CHD4: variants seen among roughly 807,000 people sequenced by gnomAD.
CHD4 encodes chromodomain helicase DNA binding protein 4, also known as ATP-dependent chromatin remodeler CHD4.
A neutral mutation model predicts 235.5 loss-of-function variants in CHD4; 35 were observed. The observed-to-expected ratio is 0.15, with a 90% CI of 0.11 to 0.20. The LOEUF is 0.20. CHD4 is among the 10% of genes least tolerant of loss of function. CHD4 has a pLI of 1.00. For synonymous variants in CHD4, 900 were observed against 850.2 expected (o/e 1.06, Z -1.02); for missense variants, 1,329 against 2,432.3 (o/e 0.55, Z 9.54).
At position 6,591,587 on chromosome 12, in the gene CHD4, CA is replaced by C. The variant is rs1948401664; in HGVS notation, c.3223-5del. Reference sequence around the variant, plus strand: ...GCAGGTCTAGCATCTTGGTCATCTGCAAAAGAAGCACGGTTTAATTATGGAA... The same window carrying C: ...GCAGGTCTAGCATCTTGGTCATCTGCAAAGAAGCACGGTTTAATTATGGAA... On this transcript the variant is annotated splice_polypyrimidine_tract_variant and splice_region_variant and intron_variant, in intron 21 of 39. Coordinates refer to ENST00000544040, the MANE Select transcript of CHD4 (RefSeq NM_001273.5). 1 of 1,613,910 alleles carries C rather than the reference CA, an allele frequency of 6.2e-7. No homozygotes were observed. The highest frequency in any genetic ancestry group is 1.3e-5 in the African/African-American group (1 of 74,926).
chr12:6,600,406 A>G lies in CHD4; in HGVS notation c.1064-11T>C, dbSNP rs1270402090. 1 of 1,613,542 alleles carries G rather than the reference A, an allele frequency of 6.2e-7. No homozygotes were observed. The highest frequency in any genetic ancestry group is 8.5e-7 in the Non-Finnish European group (1 of 1,179,704). ...TCACCTCCTCCTCGCCTGGGCAAGG[A>G]AGAGGGAAAGCCCAGTTATTGGAAA... On this transcript the variant is annotated splice_polypyrimidine_tract_variant and intron_variant, in intron 8 of 39. Transcript: ENST00000544040.
rs768321394 is a variant in CHD4, at chr12:6,592,628, C to T, written c.2775-62G>A. ...GAGAAAGGAAGAAAGAAAAGTGATA[C>T]AGGAAATGGGCAACAGGAAGAATGA... On this transcript the variant is annotated intron_variant, in intron 18 of 39. Coordinates refer to ENST00000544040, the MANE Select transcript of CHD4 (RefSeq NM_001273.5). 1.4e-4 allele frequency: 225 copies of T among 1,582,564 alleles called. 1 individual carries two copies. The highest frequency in any genetic ancestry group is 1.8e-4 in the Non-Finnish European group (213 of 1,159,840).
At chr12:6,590,817 C>G (rs1239121193) in intron 22 of CHD4, among the ~76,000 whole-genome samples, 2 of 152,062 alleles carry the variant, frequency 1.3e-5, no homozygotes, top group Admixed American at 1.3e-4. Flanking sequence ...GAGTGAGACC[C>G]TATCTCGAAT....
intron 14 of CHD4, among the ~76,000 whole-genome samples, 160 bp from the exon 15 acceptor site, chr12:6,594,810 T>C (rs1212525509): frequency 6.6e-6 from 1 of 152,180 alleles, no homozygotes; most frequent in Non-Finnish European, 1.5e-5. Context: ...CAATTTCATG[T>C]TCAGTTTAGG....
chr12:6,570,810 T>A, intron 39 of CHD4, 59 bp downstream of exon 39: 1 of 1,612,130 alleles, frequency 6.2e-7, no homozygotes, highest in Non-Finnish European at 8.5e-7. Context: ...TACAGCAAAG[T>A]TACAAGCTCC....
At chr12:6,576,461 C>A (rs962724401) in intron 37 of CHD4, among the ~76,000 whole-genome samples, 1 of 152,160 alleles carries the variant, frequency 6.6e-6, no homozygotes, top group African/African-American at 2.4e-5. Flanking sequence ...ACTACAGGTG[C>A]ACGCCACCAG....
At position 6,570,578 on chromosome 12, in the gene CHD4, G is replaced by T; in HGVS notation, c.*98C>A. The T allele has an allele frequency of 7.6e-6, 11 of 1,446,220 alleles. No individual in the cohort carries two copies. The highest frequency in any genetic ancestry group is 1.1e-5 in the Non-Finnish European group (11 of 1,031,510). 89.6% of individuals were successfully genotyped at this position (1,446,220 alleles called of 1,614,324 possible). A position where few individuals can be genotyped will look rare whatever the true frequency, so the allele number is the denominator to read the frequency against. ...TTACAACATGGAAGATGGGCAGAAG[G>T]AAGGTGAGGGTCTCTCAGGCCCCCA... On this transcript the variant is annotated 3_prime_UTR_variant, in exon 40 of 40. Transcript: ENST00000544040.
At chr12:6,590,637 G>A (rs1448667675) in intron 22 of CHD4, among the ~76,000 whole-genome samples, 1 of 152,054 alleles carries the variant, frequency 6.6e-6, no homozygotes, top group African/African-American at 2.4e-5. Context: ...TGGGCAACAT[G>A]GCAAGACCCC....
Position 6,591,913 on chromosome 12 carries a change from T to A in CHD4, c.3090+3A>T. On this transcript the variant is annotated splice_donor_region_variant and intron_variant, in intron 20 of 39. Coordinates refer to ENST00000544040, the MANE Select transcript of CHD4 (RefSeq NM_001273.5). Reference sequence around the variant, plus strand: ...GGGAGGAACAGGAGATGGCACTACATACCATTGCAGCCACAGGGAAGAGGT... The same window carrying A: ...GGGAGGAACAGGAGATGGCACTACAAACCATTGCAGCCACAGGGAAGAGGT... The A allele has an allele frequency of 6.2e-7, 1 of 1,614,216 alleles. No individual in the cohort carries two copies. The highest frequency in any genetic ancestry group is 8.5e-7 in the Non-Finnish European group (1 of 1,180,030).
chr12:6,589,400 A>C (rs1948353539), intron 22 of CHD4, among the ~76,000 whole-genome samples: 1 of 152,200 alleles, frequency 6.6e-6, no homozygotes, highest in Admixed American at 6.5e-5. Context: ...GCACCACCTT[A>C]ACCAGTGATC....
rs111980032 is a variant in CHD4 at position 6,576,408 on chromosome 12, A to G, written c.5361+1377T>C. ...CACTCCAATGCCTAGGCTGGAGTGC[A>G]ATGGCACAATCTAGGCTCATTGCAG... is the stretch of plus-strand genomic sequence containing the variant. On this transcript the variant is annotated intron_variant, in intron 37 of 39. Coordinates refer to ENST00000544040, the MANE Select transcript of CHD4 (RefSeq NM_001273.5). 4.5e-3 allele frequency among the ~76,000 whole-genome samples: 683 copies of G among 152,248 alleles called. 8 individuals are homozygous for G. Among genetic ancestry groups the G allele is most frequent in the African/African-American group, 0.016 (655 of 41,562 alleles).
At chr12:6,573,352 AT>A (rs1229009721) in intron 37 of CHD4, 83 bp from the exon 38 acceptor site, 1 of 1,128,682 alleles carries the variant, frequency 8.9e-7, no homozygotes, top group Non-Finnish European at 1.2e-6. Context: ...CTCACCTCTC[AT>A]TGTTTCAGAT....
In CHD4 at chr12:6,594,534, G is replaced by A. The variant is rs141301378; in HGVS notation, c.2238C>T (p.Asp746=). The A allele has an allele frequency of 8.9e-4, 1,436 of 1,614,192 alleles. 13 individuals carry two copies. The highest frequency in any genetic ancestry group is 5.7e-3 in the South Asian group (516 of 91,084). ...GGCCCATCTCATCAGCCAAGATGGT[G>A]TCAGTGCCCTGAGCCCAGGAGAAGC... ...WLRFSWAQGT[D]TILADEMGLG... is the part of the protein sequence containing the mutation. Residue 746 remains aspartate (D), a synonymous_variant, in exon 15 of 40, where the codon GAC becomes GAT. Coordinates refer to ENST00000544040, the MANE Select transcript of CHD4 (RefSeq NM_001273.5).
chr12:6,578,814 C>A (rs764984608), intron 34 of CHD4, 32 bp downstream of exon 34: 18 of 1,605,840 alleles, frequency 1.1e-5, no homozygotes, highest in Admixed American at 3.3e-5. Context: ...TAGAGTTCTT[C>A]TGAACCACAA....
In CHD4 at chr12:6,570,432, A is replaced by G. The variant is rs1947943237; in HGVS notation, c.*244T>C. On this transcript the variant is annotated 3_prime_UTR_variant, in exon 40 of 40. Coordinates refer to ENST00000544040, the MANE Select transcript of CHD4 (RefSeq NM_001273.5). ...TTACAGTGGGGAGAAGCCAGGGTCC[A>G]GAAGGCCAGCCCGCCAGCTCCTGCA... 2 of 564,278 alleles carry G rather than the reference A, an allele frequency of 3.5e-6. No homozygotes were observed. The highest frequency in any genetic ancestry group is 6.3e-6 in the Non-Finnish European group (2 of 317,606). 35.0% of individuals were successfully genotyped at this position (564,278 alleles called of 1,614,324 possible).
At chr12:6,586,036 G>A (rs1271588069) in intron 25 of CHD4, among the ~76,000 whole-genome samples, 1 of 151,662 alleles carries the variant, frequency 6.6e-6, no homozygotes, top group Admixed American at 6.6e-5. Flanking sequence ...GGAAGTGGAG[G>A]TTGCAGTAGG....
In CHD4 at chr12:6,606,326, C is replaced by G. The variant is rs1172764864; in HGVS notation, c.48G>C (p.Glu16Asp). ...GSPSPCSAGS[E>D]EEDMDALLNN... ...TCAAAAGTGCATCCATATCCTCCTC[C>G]TCACTGCCCGCCGAGCAGGGGGACG... The change falls in exon 2 of 40, where the codon GAG becomes GAC. Residue 16 changes from glutamate (E) to aspartate (D), a missense_variant. Physicochemically the swap from Glu to Asp is conservative, Grantham distance 45 (BLOSUM62 2). Around this residue, in one of 26 missense-constraint regions of CHD4, gnomAD observed 213 missense variants for 177.5 expected, o/e 1.20. Coordinates refer to ENST00000544040, the MANE Select transcript of CHD4 (RefSeq NM_001273.5). 1 of 1,572,174 alleles carries G rather than the reference C, an allele frequency of 6.4e-7. No individual in the cohort carries two copies.
At chr12:6,585,568 C>A (rs1184488749) in intron 25 of CHD4, among the ~76,000 whole-genome samples, 2 of 151,912 alleles carry the variant, frequency 1.3e-5, no homozygotes, top group Non-Finnish European at 2.9e-5. Flanking sequence ...AGGCGTGAGC[C>A]ACCACGTCTG....
At chr12:6,584,482 C>G (rs536380150) in intron 25 of CHD4, 8 of 152,216 alleles carry the variant, frequency 5.3e-5, no homozygotes, top group African/African-American at 1.7e-4. Context: ...TCACTGCAGC[C>G]TCGACTGCCA....
Sources: gnomAD v4.1 joint callset for allele counts (sites outside exome capture counted in the v4.1 genomes callset) on GRCh38, gnomAD v4.1.1 for gene constraint, gnomAD v4.1.1 regional missense constraint, MANE v1.5 for transcripts, NCBI Gene and HGNC (gene_info 2026-07-23, HGNC 2026-07-21) for gene names.